Variants in CAMKMT observed in about 807,000 individuals in gnomAD.
The protein encoded by CAMKMT is CaM KMT.
Under a neutral mutation model 48.0 loss-of-function variants are expected in CAMKMT, and 53 were observed. The ratio of observed to expected loss-of-function variants is 1.10; its 90% CI spans 0.89 to 1.39. The LOEUF is 1.39. Ranked by LOEUF, CAMKMT falls within the 40% of genes most tolerant of loss-of-function variation. The pLI, the probability that CAMKMT is intolerant of heterozygous loss-of-function variation, is 0.00. For missense variants in CAMKMT, 428 were observed against 402.7 expected (o/e 1.06, Z -0.54); for synonymous variants, 165 against 152.3 (o/e 1.08, Z -0.61).
chr2:44,668,105 T>C (rs1675106368), intron 3 of CAMKMT, among the ~76,000 whole-genome samples: 1 of 152,140 alleles, frequency 6.6e-6, no homozygotes, highest in Non-Finnish European at 1.5e-5. Context: ...CCTGCTACAT[T>C]TCCCTGGTAA....
At chr2:44,497,775 A>G (rs1001236562) in intron 3 of CAMKMT, among the ~76,000 whole-genome samples, 3 of 151,382 alleles carry the variant, frequency 2.0e-5, no homozygotes, top group Admixed American at 1.3e-4. Flanking sequence ...AGGCAGCCCC[A>G]GAAGAGCAAG....
At chr2:44,656,942 C>G (rs188761805) in intron 3 of CAMKMT, among the ~76,000 whole-genome samples, 3 of 152,216 alleles carry the variant, frequency 2.0e-5, no homozygotes, top group Admixed American at 2.0e-4. Context: ...CCTTATACAC[C>G]AGGGCCACAA....
rs70937931 is a variant in CAMKMT, at chr2:44,728,839, C to CTTT, written c.623+13506_623+13508dup. ...TGTTAAGATAGCTAGGGGGTCTATC[C>CTTT]TTTTTTTTTTTTTTTTTTTTTTGAG... On this transcript the variant is annotated intron_variant, in intron 7 of 10. Coordinates refer to ENST00000378494, the MANE Select transcript of CAMKMT (RefSeq NM_024766.5). Among the ~76,000 whole-genome samples, 85 of 58,284 alleles carry CTTT rather than the reference C, an allele frequency of 1.5e-3. 1 individual carries two copies. Among genetic ancestry groups the CTTT allele is most frequent in the Non-Finnish European group, 2.1e-3 (60 of 28,876 alleles). 38.2% of individuals were successfully genotyped at this position (58,284 alleles called of 152,430 possible). A position where few individuals can be genotyped will look rare whatever the true frequency, so the allele number is the denominator to read the frequency against.
chr2:44,630,124 T>A (rs944130223), intron 3 of CAMKMT, among the ~76,000 whole-genome samples: 11 of 151,854 alleles, frequency 7.2e-5, no homozygotes, highest in African/African-American at 2.7e-4. Context: ...TTGACAAACC[T>A]GAGAAAAATA....
At chr2:44,526,782 G>A (rs1666134987) in intron 3 of CAMKMT, among the ~76,000 whole-genome samples, 1 of 152,010 alleles carries the variant, frequency 6.6e-6, no homozygotes, top group Admixed American at 6.6e-5. Context: ...CCCCAAAATA[G>A]TATTTTATCA....
chr2:44,576,700 G>A (rs995221827), intron 3 of CAMKMT, among the ~76,000 whole-genome samples: 2 of 152,162 alleles, frequency 1.3e-5, no homozygotes, highest in East Asian at 1.9e-4. Context: ...TCTGAGGAGT[G>A]GCATGTTAGG....
intron 8 of CAMKMT, among the ~76,000 whole-genome samples, chr2:44,745,520 T>TAATA (rs889421614): frequency 1.3e-5 from 2 of 152,164 alleles, no homozygotes; most frequent in African/African-American, 4.8e-5. Flanking sequence ...ACACATAACA[T>TAATA]AATATTATAT....
rs144030996 is a variant in CAMKMT at position 44,372,863 on chromosome 2, T to G, written c.286T>G (p.Cys96Gly). ...ATGGGTCCAATATACAAGCATCTTC[T>G]GTCCTGAATACAGTATCTCCTTAAG... ...GAWVQYTSIF[C>G]PEYSISLRHN... Residue 96 changes from cysteine to glycine, a missense_variant, in exon 2 of 11, where the codon TGT (cysteine) becomes GGT (glycine). Coordinates refer to ENST00000378494, the MANE Select transcript of CAMKMT (RefSeq NM_024766.5). 1 of 1,613,798 alleles carries G rather than the reference T, an allele frequency of 6.2e-7. No individual in the cohort carries two copies. The highest frequency in any genetic ancestry group is 8.5e-7 in the Non-Finnish European group (1 of 1,179,848).
Position 44,589,327 on chromosome 2 carries a change from G to A in CAMKMT, c.377-114956G>A, listed in dbSNP as rs1337042699. Among the ~76,000 whole-genome samples, 165 of 52,702 alleles carry A rather than the reference G, an allele frequency of 3.1e-3. 10 individuals are homozygous for A. The highest frequency in any genetic ancestry group is 0.013 in the African/African-American group (162 of 12,610). The allele number at this position is 52,702 out of a possible 152,430, so 34.6% of individuals were successfully genotyped here. A position where few individuals can be genotyped will look rare whatever the true frequency, so the allele number is the denominator to read the frequency against. On this transcript the variant is annotated intron_variant, in intron 3 of 10. Coordinates refer to ENST00000378494, the MANE Select transcript of CAMKMT (RefSeq NM_024766.5). ...AGGTGAGGGGCGCTTCTGCCCGGCC[G>A]CCCCTACTGGGAAGTGAGGAGCCCC...
intron 6 of CAMKMT, among the ~76,000 whole-genome samples, chr2:44,712,528 G>A (rs1227141630): frequency 3.3e-5 from 5 of 152,014 alleles, no homozygotes; most frequent in African/African-American, 7.3e-5. Context: ...ACCTCTGAAC[G>A]GGGCTTTATT....
At chr2:44,436,950 A>G (rs1030381353) in intron 3 of CAMKMT, among the ~76,000 whole-genome samples, 1 of 152,218 alleles carries the variant, frequency 6.6e-6, no homozygotes, top group African/African-American at 2.4e-5. Context: ...ACTTCATTTC[A>G]TAACAGATAA....
chr2:44,411,943 A>G (rs959670779), intron 3 of CAMKMT, among the ~76,000 whole-genome samples: 1 of 148,846 alleles, frequency 6.7e-6, no homozygotes, highest in Non-Finnish European at 1.5e-5. Context: ...CTTTGGATAC[A>G]TAACCAATTA....
chr2:44,468,348 A>G (rs554564602), intron 3 of CAMKMT, among the ~76,000 whole-genome samples: 1 of 152,356 alleles, frequency 6.6e-6, no homozygotes, highest in South Asian at 2.1e-4. Flanking sequence ...AAGACAAAAA[A>G]TAACAAATGC....
intron 3 of CAMKMT, among the ~76,000 whole-genome samples, chr2:44,472,266 G>A (rs1668461437): frequency 1.3e-5 from 2 of 151,786 alleles, no homozygotes; most frequent in African/African-American, 2.4e-5. Flanking sequence ...GTAGAGATGG[G>A]GTTTCACTCT....
chr2:44,741,290 A>G (rs1000140839), intron 7 of CAMKMT, among the ~76,000 whole-genome samples: 1 of 152,224 alleles, frequency 6.6e-6, no homozygotes, highest in Non-Finnish European at 1.5e-5. Flanking sequence ...AAGGTGGAGG[A>G]CAAGGTCACT....
At chr2:44,443,223 C>A (rs1666779669) in intron 3 of CAMKMT, among the ~76,000 whole-genome samples, 1 of 152,146 alleles carries the variant, frequency 6.6e-6, no homozygotes, top group Non-Finnish European at 1.5e-5. Flanking sequence ...ATTGTTAACA[C>A]TGAACTGTAC....
chr2:44,536,273 C>G (rs1255344214), intron 3 of CAMKMT, among the ~76,000 whole-genome samples: 1 of 151,470 alleles, frequency 6.6e-6, no homozygotes, highest in Non-Finnish European at 1.5e-5. Flanking sequence ...GTTAAAATGA[C>G]CATACTACCC....
intron 3 of CAMKMT, among the ~76,000 whole-genome samples, chr2:44,421,546 A>G (rs1683937412): frequency 6.6e-6 from 1 of 152,198 alleles, no homozygotes; most frequent in African/African-American, 2.4e-5. Flanking sequence ...AAATGAAGAA[A>G]ATAATTGAAA....
chr2:44,402,479 GA>G (rs1396545013), intron 3 of CAMKMT, among the ~76,000 whole-genome samples: 1 of 151,772 alleles, frequency 6.6e-6, no homozygotes, highest in South Asian at 2.1e-4. Context: ...TCTGTTGATT[GA>G]ATCTTCTGTT....
Sources: allele counts gnomAD v4.1 joint callset (sites outside exome capture counted in the v4.1 genomes callset), GRCh38; gene constraint gnomAD v4.1.1; transcripts MANE v1.5; gene names NCBI Gene and HGNC (gene_info 2026-07-23, HGNC 2026-07-21).